Variants in TRPM3 observed in about 807,000 individuals in gnomAD.
TRPM3 encodes the protein transient receptor potential cation channel subfamily M member 3.
Under a neutral mutation model 181.2 loss-of-function variants are expected in TRPM3, and 77 were observed. The observed-to-expected ratio is 0.42, with a 90% CI of 0.35 to 0.51. The LOEUF is 0.51. TRPM3 is among the 20% of genes least tolerant of loss of function. The pLI, the probability that TRPM3 is intolerant of heterozygous loss-of-function variation, is 0.01. For synonymous variants in TRPM3, 745 were observed against 796.4 expected (o/e 0.94, Z 1.09); for missense variants, 1,759 against 2,196.7 (o/e 0.80, Z 3.98).
At chr9:70,688,217 C>A (rs1311893037) in intron 8 of TRPM3, among the ~76,000 whole-genome samples, 1 of 152,132 alleles carries the variant, frequency 6.6e-6, no homozygotes, top group African/African-American at 2.4e-5. Context: ...TTTAAAGTGG[C>A]CTTCATTCCC....
chr9:71,011,354 C>T (rs554454911), intron 1 of TRPM3, among the ~76,000 whole-genome samples: 132 of 152,140 alleles, frequency 8.7e-4, no homozygotes, highest in Non-Finnish European at 1.7e-3. Context: ...GGTAATTACC[C>T]TGATTTAAAC....
At chr9:70,981,920 T>C (rs1160513516) in intron 1 of TRPM3, among the ~76,000 whole-genome samples, 2 of 152,176 alleles carry the variant, frequency 1.3e-5, no homozygotes, top group South Asian at 2.1e-4. Context: ...CTAACAGTGT[T>C]CTTAGGAGGT....
intron 1 of TRPM3, among the ~76,000 whole-genome samples, chr9:71,112,025 A>G (rs1319429201): frequency 6.6e-6 from 1 of 152,204 alleles, no homozygotes; most frequent in Non-Finnish European, 1.5e-5. Flanking sequence ...GACTAACAGA[A>G]AAATAAATCC....
chr9:71,127,644 C>T (rs940448883), intron 1 of TRPM3, among the ~76,000 whole-genome samples: 10 of 152,276 alleles, frequency 6.6e-5, no homozygotes, highest in Non-Finnish European at 1.2e-4. Flanking sequence ...TAGCACAGTG[C>T]TAACATAGAG....
At chr9:70,809,460 T>A (rs34704982) in intron 6 of TRPM3, among the ~76,000 whole-genome samples, 47,629 of 152,048 alleles carry the variant, frequency 0.31, 9,064 homozygotes, top group African/African-American at 0.53. Flanking sequence ...TCTTTTATAC[T>A]ATGTTTTTAT....
chr9:70,552,028 A>G (rs1303195839), intron 24 of TRPM3, among the ~76,000 whole-genome samples: 2 of 152,184 alleles, frequency 1.3e-5, no homozygotes, highest in Non-Finnish European at 2.9e-5. Flanking sequence ...GACCACACAG[A>G]GGGAAGTAGA....
intron 1 of TRPM3, among the ~76,000 whole-genome samples, chr9:71,368,862 T>G (rs2092424016): frequency 6.6e-6 from 1 of 152,114 alleles, no homozygotes; most frequent in South Asian, 2.1e-4. Flanking sequence ...TGAACTCAAT[T>G]TCAACAAATA....
At chr9:70,978,849 C>A (rs546096402) in intron 1 of TRPM3, among the ~76,000 whole-genome samples, 3 of 152,284 alleles carry the variant, frequency 2.0e-5, no homozygotes, top group East Asian at 3.9e-4. Flanking sequence ...TTAGACACCA[C>A]CTGTATTACA....
Position 70,625,277 on chromosome 9 carries a change from C to T in TRPM3, c.1723G>A (p.Glu575Lys). The change falls in exon 14 of 26, where the codon GAG (glutamate) becomes AAG (lysine). Residue 575 changes from glutamate (E) to lysine (K), a missense_variant. Around this residue, in one of 8 missense-constraint regions of TRPM3, gnomAD observed 737 missense variants for 957.4 expected, o/e 0.77. Coordinates refer to ENST00000677713, the MANE Select transcript of TRPM3 (RefSeq NM_001366145.2). The surrounding 1 kb of genome is among the most constrained non-coding windows in gnomAD (Gnocchi z 4.8). The part of the protein sequence containing the change: ...ISLIDIGLVI[E>K]YLMGGAYRCN... Reference sequence around the variant, plus strand: ...CGATAAGCCCCGCCCATCAGGTACTCGATCACCAGGCCGATGTCAATCAGG... The same window carrying T: ...CGATAAGCCCCGCCCATCAGGTACTTGATCACCAGGCCGATGTCAATCAGG... 1 of 1,614,102 alleles carries T rather than the reference C, an allele frequency of 6.2e-7. No homozygotes were observed. The highest frequency in any genetic ancestry group is 8.5e-7 in the Non-Finnish European group (1 of 1,180,022).
intron 22 of TRPM3, among the ~76,000 whole-genome samples, chr9:70,580,641 T>A (rs1401370721): frequency 6.6e-6 from 1 of 152,222 alleles, no homozygotes; most frequent in Non-Finnish European, 1.5e-5. Context: ...CCAGGCATGC[T>A]CTGTCATGCC....
intron 9 of TRPM3, among the ~76,000 whole-genome samples, chr9:70,666,135 T>C (rs377295703): frequency 6.6e-6 from 1 of 152,218 alleles, no homozygotes; most frequent in African/African-American, 2.4e-5. Context: ...TCTCCTCTCA[T>C]GCAGAATCTG....
At chr9:71,244,216 T>C (rs2081898839) in intron 1 of TRPM3, among the ~76,000 whole-genome samples, 1 of 152,168 alleles carries the variant, frequency 6.6e-6, no homozygotes. Flanking sequence ...CGTAGCAGCA[T>C]GAACTCCTCA....
chr9:70,900,866 T>C (rs762674843), intron 1 of TRPM3, among the ~76,000 whole-genome samples: 2 of 152,204 alleles, frequency 1.3e-5, no homozygotes, highest in East Asian at 1.9e-4. Context: ...CACAATACTA[T>C]TGTAAGGGCA....
chr9:71,164,085 A>G (rs2134730297), intron 1 of TRPM3, among the ~76,000 whole-genome samples: 1 of 152,258 alleles, frequency 6.6e-6, no homozygotes, highest in Non-Finnish European at 1.5e-5. Context: ...ACCTCCTGGC[A>G]TCCAAGGGGA....
chr9:70,561,327 G>A (rs926061321), intron 22 of TRPM3, among the ~76,000 whole-genome samples: 2 of 152,162 alleles, frequency 1.3e-5, no homozygotes, highest in South Asian at 4.1e-4. Context: ...TTTAGATAAC[G>A]CTGCCCTTTG....
At chr9:71,332,945 T>A (rs2132550652) in intron 1 of TRPM3, among the ~76,000 whole-genome samples, 1 of 151,976 alleles carries the variant, frequency 6.6e-6, no homozygotes, top group Non-Finnish European at 1.5e-5. Flanking sequence ...AAATCAATAT[T>A]AGGAGAATTC....
At chr9:70,956,237 T>C (rs2097069130) in intron 1 of TRPM3, among the ~76,000 whole-genome samples, 1 of 151,084 alleles carries the variant, frequency 6.6e-6, no homozygotes, top group South Asian at 2.1e-4. Flanking sequence ...TTAGGATCAA[T>C]CTTTCTTTAA....
intron 1 of TRPM3, among the ~76,000 whole-genome samples, chr9:71,412,539 C>T (rs746404254): frequency 1.2e-4 from 18 of 152,144 alleles, no homozygotes; most frequent in Non-Finnish European, 2.2e-4. Context: ...AAATCAAAAC[C>T]ACAATGAGAT....
At chr9:70,631,369 T>C (rs991618457) in intron 12 of TRPM3, among the ~76,000 whole-genome samples, 2 of 151,972 alleles carry the variant, frequency 1.3e-5, no homozygotes, top group African/African-American at 4.8e-5. Context: ...GCCTTTTTTT[T>C]TTTTTTTTTT....
Sources: gnomAD v4.1 joint callset for allele counts (sites outside exome capture counted in the v4.1 genomes callset) on GRCh38, gnomAD v4.1.1 for gene constraint, gnomAD v4.1.1 regional missense constraint, Gnocchi (gnomAD v3.1) non-coding constraint, MANE v1.5 for transcripts, NCBI Gene and HGNC (gene_info 2026-07-23, HGNC 2026-07-21) for gene names.